Variants in CHST11 observed in about 807,000 individuals in gnomAD.
The protein encoded by CHST11 is C4S-1.
In CHST11, 9 loss-of-function variants were observed where a neutral mutation model predicts 30.4. That is an observed-to-expected ratio of 0.30 (90% CI 0.18 to 0.52). The LOEUF (loss-of-function observed/expected upper bound fraction) is 0.52. CHST11 is among the 20% of genes least tolerant of loss of function. The pLI is 0.97. For synonymous variants in CHST11, 152 were observed against 187.8 expected (o/e 0.81, Z 1.56); for missense variants, 348 against 460.6 (o/e 0.76, Z 2.24).
At chr12:104,570,986 C>T (rs2136023589) in intron 1 of CHST11, among the ~76,000 whole-genome samples, 1 of 152,010 alleles carries the variant, frequency 6.6e-6, no homozygotes, top group East Asian at 2.0e-4. Context: ...CCACCTCACC[C>T]AGCGCACTGT....
At chr12:104,606,336 G>A (rs1471062432) in intron 2 of CHST11, among the ~76,000 whole-genome samples, 1 of 151,834 alleles carries the variant, frequency 6.6e-6, no homozygotes, top group Non-Finnish European at 1.5e-5. Flanking sequence ...ATGAGGAGGA[G>A]GATGAGGAGG....
chr12:104,663,310 T>C (rs1424444842), intron 2 of CHST11, among the ~76,000 whole-genome samples: 6 of 152,254 alleles, frequency 3.9e-5, no homozygotes, highest in Non-Finnish European at 8.8e-5. Flanking sequence ...TCTGGCATCA[T>C]CAGAGATTTC....
intron 1 of CHST11, among the ~76,000 whole-genome samples, chr12:104,471,871 G>C (rs1435513475): frequency 6.6e-6 from 1 of 152,042 alleles, no homozygotes; most frequent in Non-Finnish European, 1.5e-5. Flanking sequence ...ACGTGACTAG[G>C]GCTACTGTAA....
At chr12:104,501,599 A>C (rs1458674472) in intron 1 of CHST11, among the ~76,000 whole-genome samples, 2 of 152,206 alleles carry the variant, frequency 1.3e-5, no homozygotes, top group African/African-American at 4.8e-5. Flanking sequence ...CGACACTCTG[A>C]GCACCCTCCT....
chr12:104,584,981 G>A (rs1044545832), intron 1 of CHST11, among the ~76,000 whole-genome samples: 17 of 152,194 alleles, frequency 1.1e-4, no homozygotes, highest in African/African-American at 2.9e-4. Context: ...TGTTCTCTCT[G>A]TTGGCATCTT....
chr12:104,599,068 C>T (rs1202598632), intron 1 of CHST11, among the ~76,000 whole-genome samples: 5 of 152,224 alleles, frequency 3.3e-5, no homozygotes, highest in African/African-American at 1.2e-4. Context: ...GATCACACTG[C>T]ACCGACTGCC....
At chr12:104,743,509 A>C (rs1416089267) in intron 2 of CHST11, among the ~76,000 whole-genome samples, 1 of 152,342 alleles carries the variant, frequency 6.6e-6, no homozygotes, top group East Asian at 1.9e-4. Flanking sequence ...CACCAACCCT[A>C]CAGGGATGGT....
intron 1 of CHST11, among the ~76,000 whole-genome samples, chr12:104,540,587 G>C (rs1238235082): frequency 1.3e-5 from 2 of 152,176 alleles, no homozygotes; most frequent in African/African-American, 4.8e-5. Flanking sequence ...CCCCTCTCCT[G>C]TACTCCTCCA....
chr12:104,622,843 G>A (rs974800951), intron 2 of CHST11, among the ~76,000 whole-genome samples: 4 of 152,276 alleles, frequency 2.6e-5, no homozygotes, highest in South Asian at 2.1e-4. Flanking sequence ...GTGTAATTGC[G>A]TATTAGCAGC....
At chr12:104,749,051 C>T (rs977372417) in intron 2 of CHST11, among the ~76,000 whole-genome samples, 9 of 152,136 alleles carry the variant, frequency 5.9e-5, no homozygotes, top group African/African-American at 2.2e-4. Context: ...TGGAAGAGTC[C>T]CAACGGGTTC....
intron 1 of CHST11, among the ~76,000 whole-genome samples, chr12:104,516,605 G>A (rs1258601717): frequency 1.3e-5 from 2 of 152,010 alleles, no homozygotes; most frequent in Admixed American, 1.3e-4. Context: ...CAGGAGGGGA[G>A]ACATACAGAT....
chr12:104,674,060 C>T (rs7954613), intron 2 of CHST11, among the ~76,000 whole-genome samples: 12,325 of 152,218 alleles, frequency 0.081, 1,142 homozygotes, highest in African/African-American at 0.23. Flanking sequence ...AGTCTGATTT[C>T]TCTGCAGTTT....
chr12:104,739,468 A>G (rs2040329126), intron 2 of CHST11, among the ~76,000 whole-genome samples: 1 of 152,136 alleles, frequency 6.6e-6, no homozygotes, highest in South Asian at 2.1e-4. Flanking sequence ...TCCCCATTTT[A>G]CAGATGAGAA....
intron 1 of CHST11, among the ~76,000 whole-genome samples, chr12:104,577,111 G>A (rs2136028612): frequency 6.6e-6 from 1 of 152,184 alleles, no homozygotes; most frequent in Admixed American, 6.5e-5. Context: ...GTCACTCAGG[G>A]CCAGGGCAAA....
At chr12:104,533,619 T>C (rs1306333112) in intron 1 of CHST11, among the ~76,000 whole-genome samples, 1 of 152,166 alleles carries the variant, frequency 6.6e-6, no homozygotes, top group East Asian at 1.9e-4. Context: ...AATAAATAAA[T>C]GAGTGGAAGG....
rs980047270 is a variant in CHST11 at position 104,754,410 on chromosome 12, G to A, written c.205-2539G>A. Among the ~76,000 whole-genome samples the A allele has an allele frequency of 2.0e-5, 3 of 152,182 alleles. No homozygotes were observed. In the East Asian group the frequency reaches 5.8e-4, roughly 29 times the overall value. On this transcript the variant is annotated intron_variant, in intron 2 of 2. Transcript: ENST00000303694. ...CACCTGGGATCATTCACATCACTGT[G>A]GTCCGTGGATGGCTGGCAGTTGGTG...
intron 2 of CHST11, among the ~76,000 whole-genome samples, chr12:104,645,049 G>A (rs1026926241): frequency 5.3e-5 from 8 of 152,100 alleles, no homozygotes; most frequent in African/African-American, 1.4e-4. Flanking sequence ...CCAGATTCAC[G>A]CCATTCTCCT....
chr12:104,475,657 A>AC (rs2037549908), intron 1 of CHST11, among the ~76,000 whole-genome samples: 1 of 5,508 alleles, frequency 1.8e-4, no homozygotes, highest in Non-Finnish European at 7.1e-4. Context: ...GTAAAGCAGC[A>AC]TTATATATAT....
At chr12:104,646,876 A>T (rs1202448355) in intron 2 of CHST11, among the ~76,000 whole-genome samples, 1 of 152,184 alleles carries the variant, frequency 6.6e-6, no homozygotes, top group African/African-American at 2.4e-5. Flanking sequence ...TTCCACAGAT[A>T]ATCCCTGAGT....
Sources: allele counts gnomAD v4.1 joint callset (sites outside exome capture counted in the v4.1 genomes callset), GRCh38; gene constraint gnomAD v4.1.1; transcripts MANE v1.5; gene names NCBI Gene and HGNC (gene_info 2026-07-23, HGNC 2026-07-21).